C1QBP: variants seen among roughly 807,000 people sequenced by gnomAD.
The protein encoded by C1QBP is complement component 1 Q subcomponent-binding protein, mitochondrial.
C1QBP carries 24 observed loss-of-function variants against 29.4 expected under a neutral mutation model. That is an observed-to-expected ratio of 0.82 (90% CI 0.59 to 1.15). C1QBP has a LOEUF of 1.15. Among genes scored for constraint, C1QBP ranks in the 50% most tolerant of loss-of-function variants. The pLI, the probability that C1QBP is intolerant of heterozygous loss-of-function variation, is 0.00. For synonymous variants in C1QBP, 182 were observed against 149.2 expected (o/e 1.22, Z -1.60); for missense variants, 337 against 355.8 (o/e 0.95, Z 0.43).
chr17:5,439,118 G>T lies in C1QBP; in HGVS notation c.-45C>A. The T allele has an allele frequency of 2.0e-6, 3 of 1,535,636 alleles. No individual in the cohort carries two copies. The highest frequency in any genetic ancestry group is 1.8e-6 in the Non-Finnish European group (2 of 1,141,108). ...ACGTGCAGATGCAAAGGACAACCCA[G>T]GCCTAGGCGCCCCGCGACCTGAGGC... On this transcript the variant is annotated 5_prime_UTR_variant, in exon 1 of 6. The change creates a new upstream start codon in the 5' untranslated region. Coordinates refer to ENST00000225698, the MANE Select transcript of C1QBP (RefSeq NM_001212.4).
At position 5,434,949 on chromosome 17, in the gene C1QBP, T is replaced by C. The variant is rs539400878; in HGVS notation, c.401A>G (p.Asn134Ser). ...VAGEKITVTF[N>S]INNSIPPTFD... ...TGTTGGTGGGATGCTGTTGTTAATG[T>C]TGAAAGTGACCGTGATTCTAAAACG... The change falls in exon 3 of 6, where the codon AAC becomes AGC. Residue 134 changes from asparagine (N) to serine (S), a missense_variant. Transcript: ENST00000225698. 2.1e-5 allele frequency: 34 copies of C among 1,614,102 alleles called. No homozygotes were observed. The Middle Eastern group carries it at 8.2e-4, about 39-fold the overall frequency.
In C1QBP at chr17:5,433,320, A is replaced by G. The variant is rs1416513274; in HGVS notation, c.672T>C (p.Tyr224=). 6.2e-6 allele frequency: 10 copies of G among 1,614,158 alleles called. No homozygotes were observed. Among genetic ancestry groups the G allele is most frequent in the Non-Finnish European group, 8.5e-6 (10 of 1,180,036 alleles). ...TGESEWKDTN[Y]TLNTDSLDWA... ...AGTCCAAGGAATCTGTGTTGAGTGT[A>G]TAATTAGTATCCTTCCATTCAGACT... is the stretch of plus-strand genomic sequence containing the variant. The change falls in exon 5 of 6, where the codon TAT becomes TAC. Residue 224 remains tyrosine (Y), a synonymous_variant. Transcript: ENST00000225698.
Position 5,432,788 on chromosome 17 carries a change from A to G in C1QBP, c.*227T>C. 1 of 783,810 alleles carries G rather than the reference A, an allele frequency of 1.3e-6. No homozygotes were observed. Among genetic ancestry groups the G allele is most frequent in the Non-Finnish European group, 1.9e-6 (1 of 519,246 alleles). The allele number at this position is 783,810 out of a possible 1,614,324, so 48.6% of individuals were successfully genotyped here. On this transcript the variant is annotated 3_prime_UTR_variant, in exon 6 of 6. Coordinates refer to ENST00000225698, the MANE Select transcript of C1QBP (RefSeq NM_001212.4). ...AAAGACAAACTGCCTTGGAGGAGAT[A>G]AACCAATTTTATGTCTATCATGTTA...
Position 5,435,788 on chromosome 17 carries a change from G to A in C1QBP, c.384-822C>T, listed in dbSNP as rs369939421. Among the ~76,000 whole-genome samples the A allele has an allele frequency of 1.8e-3, 278 of 150,864 alleles. 1 individual carries two copies. Among genetic ancestry groups the A allele is most frequent in the African/African-American group, 6.5e-3 (266 of 40,862 alleles). On this transcript the variant is annotated intron_variant, in intron 2 of 5. Transcript: ENST00000225698. ...CTCACGCCTGTAATCCCAGCACTTT[G>A]GGAGGCCGAGGTGGGCAGATCACGA...
At chr17:5,435,051 T>G (rs1916234350) in intron 2 of C1QBP, 85 bp from the exon 3 acceptor site, 2 of 1,216,486 alleles carry the variant, frequency 1.6e-6, no homozygotes, top group South Asian at 1.2e-5. Flanking sequence ...CATGGAAATC[T>G]GCTACAGTTA....
rs756413827 is a variant in C1QBP, at chr17:5,432,977, G to A, written c.*38C>T. On this transcript the variant is annotated 3_prime_UTR_variant, in exon 6 of 6. Coordinates refer to ENST00000225698, the MANE Select transcript of C1QBP (RefSeq NM_001212.4). ...GAGTAGGATTTGTTCACTGGCCAAA[G>A]CCTGCCATGAAACTATGGCTTTCAG... The A allele has an allele frequency of 6.3e-6, 10 of 1,589,968 alleles. No individual in the cohort carries two copies. Among genetic ancestry groups the A allele is most frequent in the Non-Finnish European group, 7.7e-6 (9 of 1,168,688 alleles).
chr17:5,434,281 G>T (rs1872976031), intron 3 of C1QBP, among the ~76,000 whole-genome samples: 1 of 152,158 alleles, frequency 6.6e-6, no homozygotes, highest in African/African-American at 2.4e-5. Context: ...GCACACCAGA[G>T]AGCTGCGCCG....
chr17:5,433,901 A>T, intron 3 of C1QBP, 134 bp from the exon 4 acceptor site: 1 of 764,858 alleles, frequency 1.3e-6, no homozygotes, highest in East Asian at 2.6e-5. Context: ...CTTATGCCAT[A>T]CTATTCCCAA....
At chr17:5,433,563 T>C (rs1257131830) in intron 4 of C1QBP, 106 bp downstream of exon 4, 7 of 1,525,522 alleles carry the variant, frequency 4.6e-6, no homozygotes, top group Admixed American at 1.7e-5. Context: ...TGGGCTGGTC[T>C]AAGCTAGAAA....
intron 2 of C1QBP, among the ~76,000 whole-genome samples, chr17:5,435,351 C>T (rs917727463): frequency 1.3e-5 from 2 of 150,938 alleles, no homozygotes; most frequent in African/African-American, 4.8e-5. Flanking sequence ...TTCCAGGGAA[C>T]CCTTGGTCAA....
At chr17:5,436,898 T>G (rs1448173525) in intron 2 of C1QBP, among the ~76,000 whole-genome samples, 1 of 151,962 alleles carries the variant, frequency 6.6e-6, no homozygotes, top group Non-Finnish European at 1.5e-5. Context: ...TAATCCCAGC[T>G]AAGGAGGCTG....
intron 2 of C1QBP, among the ~76,000 whole-genome samples, chr17:5,436,691 C>A (rs976709660): frequency 6.6e-6 from 1 of 151,336 alleles, no homozygotes; most frequent in African/African-American, 2.5e-5. Context: ...GATAGTTGTA[C>A]CCAGAAAAAC....
chr17:5,433,502 A>T, intron 4 of C1QBP, 87 bp from the exon 5 acceptor site: 1 of 1,577,082 alleles, frequency 6.3e-7, no homozygotes, highest in Non-Finnish European at 8.7e-7. Context: ...ACAGCATGAA[A>T]CTCATCAGGT....
chr17:5,433,473 G>C (rs950427961), intron 4 of C1QBP, 58 bp from the exon 5 acceptor site: 2 of 1,606,050 alleles, frequency 1.2e-6, no homozygotes, highest in African/African-American at 2.7e-5. Context: ...TAGACTCAGG[G>C]GAAGAAAGGG....
rs997908373 is a variant in C1QBP at position 5,436,211 on chromosome 17, T to C, written c.384-1245A>G. 1.7e-4 allele frequency among the ~76,000 whole-genome samples: 26 copies of C among 151,122 alleles called. 1 individual carries two copies. Among genetic ancestry groups the C allele is most frequent in the Non-Finnish European group, 2.4e-4 (16 of 68,018 alleles). On this transcript the variant is annotated intron_variant, in intron 2 of 5. Coordinates refer to ENST00000225698, the MANE Select transcript of C1QBP (RefSeq NM_001212.4). ...TAAGCTGAGCTCCTGGGCACAGAAATTGAATGACGTTCATCAGAGCATTAT... is the reference window on the plus strand; with the variant it reads ...TAAGCTGAGCTCCTGGGCACAGAAACTGAATGACGTTCATCAGAGCATTAT...
At chr17:5,433,802 GGAA>G in intron 3 of C1QBP, 35 bp from the exon 4 acceptor site, 1 of 1,555,976 alleles carries the variant, frequency 6.4e-7, no homozygotes, top group Non-Finnish European at 8.9e-7. Context: ...TGCTGCTGCT[GGAA>G]GGAGATGGAT....
At chr17:5,435,113 G>T in intron 2 of C1QBP, 147 bp from the exon 3 acceptor site, 1 of 724,232 alleles carries the variant, frequency 1.4e-6, no homozygotes, top group Non-Finnish European at 2.4e-6. Flanking sequence ...ATTATATGCA[G>T]AACTTCAAAC....
In C1QBP at chr17:5,433,427, C is replaced by CAATATTGG; in HGVS notation, c.577-20_577-13dup. 6.2e-7 allele frequency: 1 copy of CAATATTGG among 1,614,068 alleles called. No individual in the cohort carries two copies. Among genetic ancestry groups the CAATATTGG allele is most frequent in the Non-Finnish European group, 8.5e-7 (1 of 1,180,012 alleles). On this transcript the variant is annotated splice_polypyrimidine_tract_variant and intron_variant, in intron 4 of 5. Coordinates refer to ENST00000225698, the MANE Select transcript of C1QBP (RefSeq NM_001212.4). ...TCTTCTTGTCCAACCTGAGAAGAAA[C>CAATATTGG]AATATTGGGAAACTGAAGGGTTCTC... is the stretch of plus-strand genomic sequence containing the variant.
chr17:5,438,665 A>G (rs2151678148), intron 1 of C1QBP, 177 bp downstream of exon 1: 1 of 1,362,636 alleles, frequency 7.3e-7, no homozygotes. Flanking sequence ...ACCAAAAGAA[A>G]ACGAAACTGC....
Sources: gnomAD v4.1 joint callset for allele counts (sites outside exome capture counted in the v4.1 genomes callset) on GRCh38, gnomAD v4.1.1 for gene constraint, MANE v1.5 for transcripts, NCBI Gene and HGNC (gene_info 2026-07-23, HGNC 2026-07-21) for gene names.